CERS6: variants seen among roughly 807,000 people sequenced by gnomAD.
CERS6 encodes ceramide synthase 6.
Under a neutral mutation model 56.8 loss-of-function variants are expected in CERS6, and 26 were observed. The observed-to-expected ratio is 0.46, with a 90% confidence interval of 0.34 to 0.63. The LOEUF (loss-of-function observed/expected upper bound fraction) is 0.63, where lower values mean the gene tolerates loss of function less well. CERS6 is among the 30% of genes least tolerant of loss of function. CERS6 has a pLI of 0.01. For synonymous variants in CERS6, 164 were observed against 173.3 expected (o/e 0.95, Z 0.42); for missense variants, 415 against 467.5 (o/e 0.89, Z 1.04).
At chr2:168,682,938 T>G (rs926679834) in intron 4 of CERS6, among the ~76,000 whole-genome samples, 12 of 152,236 alleles carry the variant, frequency 7.9e-5, no homozygotes, top group Non-Finnish European at 1.6e-4. Context: ...CCTGTATTAT[T>G]GAACAATCCG....
intron 4 of CERS6, among the ~76,000 whole-genome samples, chr2:168,657,502 G>A (rs949004895): frequency 1.3e-5 from 2 of 152,252 alleles, no homozygotes; most frequent in East Asian, 1.9e-4. Flanking sequence ...GGAGCTCGTC[G>A]GGGAGGCTCG....
intron 6 of CERS6, among the ~76,000 whole-genome samples, chr2:168,696,602 G>A (rs141398113): frequency 6.6e-6 from 1 of 152,170 alleles, no homozygotes; most frequent in South Asian, 2.1e-4. Flanking sequence ...GTTCTAGAAG[G>A]TGAGGTGCCC....
chr2:168,464,114 ACTT>A (rs1171494715), intron 1 of CERS6, among the ~76,000 whole-genome samples: 2 of 147,890 alleles, frequency 1.4e-5, no homozygotes, highest in African/African-American at 5.0e-5. Context: ...GTTTTTTCTT[ACTT>A]CTTAATGTGG....
At chr2:168,631,480 T>G (rs1684716922) in intron 4 of CERS6, among the ~76,000 whole-genome samples, 1 of 123,832 alleles carries the variant, frequency 8.1e-6, no homozygotes, top group Non-Finnish European at 1.6e-5. Context: ...ATATAATATA[T>G]AATATATAAA....
chr2:168,670,120 T>A (rs961000237), intron 4 of CERS6, among the ~76,000 whole-genome samples: 3 of 152,352 alleles, frequency 2.0e-5, no homozygotes, highest in Non-Finnish European at 4.4e-5. Flanking sequence ...CTTTTAAAAT[T>A]CTTGCTCTTT....
chr2:168,553,386 G>A (rs1040178291), intron 2 of CERS6, among the ~76,000 whole-genome samples: 1 of 151,988 alleles, frequency 6.6e-6, no homozygotes, highest in Non-Finnish European at 1.5e-5. Flanking sequence ...AGTGAAAATG[G>A]GCCCAGAAAG....
At chr2:168,676,556 A>G (rs1399469723) in intron 4 of CERS6, among the ~76,000 whole-genome samples, 1 of 152,232 alleles carries the variant, frequency 6.6e-6, no homozygotes, top group African/African-American at 2.4e-5. Context: ...GAATTTTATC[A>G]TTGGCAGCAC....
At chr2:168,744,037 A>G (rs1186549730) in intron 8 of CERS6, among the ~76,000 whole-genome samples, 2 of 115,602 alleles carry the variant, frequency 1.7e-5, no homozygotes, top group South Asian at 2.7e-4. Context: ...TTGCTCTGTC[A>G]CCCAGGCTGG....
chr2:168,504,969 G>T (rs1023812801), intron 1 of CERS6, among the ~76,000 whole-genome samples: 21 of 152,116 alleles, frequency 1.4e-4, no homozygotes, highest in Non-Finnish European at 2.9e-4. Context: ...TTAAAGCCAG[G>T]TGCTGAGTGG....
chr2:168,729,803 G>A (rs1054856383), intron 8 of CERS6, among the ~76,000 whole-genome samples: 5 of 152,128 alleles, frequency 3.3e-5, no homozygotes, highest in African/African-American at 1.2e-4. Context: ...TTTGTGTCTT[G>A]TTTCCCAGGC....
chr2:168,638,752 T>C (rs1574119773), intron 4 of CERS6, among the ~76,000 whole-genome samples: 1 of 152,346 alleles, frequency 6.6e-6, no homozygotes, highest in Admixed American at 6.5e-5. Context: ...CTCATGTTGT[T>C]GCTGCATTGT....
intron 1 of CERS6, among the ~76,000 whole-genome samples, chr2:168,544,352 C>T (rs1695424268): frequency 6.6e-6 from 1 of 152,108 alleles, no homozygotes. Flanking sequence ...AAGTAGAGGC[C>T]ACTGACATCT....
intron 2 of CERS6, among the ~76,000 whole-genome samples, chr2:168,550,081 C>G (rs750344673): frequency 6.6e-6 from 1 of 152,080 alleles, no homozygotes; most frequent in African/African-American, 2.4e-5. Context: ...ACCCCTTGTT[C>G]AAAAAGCACA....
At chr2:168,734,960 G>A (rs1055009728) in intron 8 of CERS6, among the ~76,000 whole-genome samples, 1 of 152,164 alleles carries the variant, frequency 6.6e-6, no homozygotes, top group Non-Finnish European at 1.5e-5. Context: ...ACACTATAGA[G>A]TTTCAGCTCC....
At chr2:168,613,879 A>G (rs1392248327) in intron 3 of CERS6, among the ~76,000 whole-genome samples, 1 of 152,220 alleles carries the variant, frequency 6.6e-6, no homozygotes, top group Non-Finnish European at 1.5e-5. Context: ...TTAGAACATG[A>G]GGTGCTGCAG....
intron 3 of CERS6, among the ~76,000 whole-genome samples, chr2:168,627,092 C>T (rs1684607637): frequency 6.6e-6 from 1 of 152,120 alleles, no homozygotes; most frequent in South Asian, 2.1e-4. Flanking sequence ...AAGAAATAGT[C>T]TTAGTCTATT....
At chr2:168,648,225 T>C (rs1685252017) in intron 4 of CERS6, among the ~76,000 whole-genome samples, 1 of 152,066 alleles carries the variant, frequency 6.6e-6, no homozygotes, top group Non-Finnish European at 1.5e-5. Flanking sequence ...AGGAAATGAG[T>C]TTCTTTCTAG....
chr2:168,733,068 G>A (rs578208590), intron 8 of CERS6, among the ~76,000 whole-genome samples: 9 of 152,168 alleles, frequency 5.9e-5, no homozygotes, highest in Middle Eastern at 3.4e-3. Flanking sequence ...GCTTCTTTTC[G>A]TAATTAAATG....
At chr2:168,744,004 T>TTC (rs1474146819) in intron 8 of CERS6, among the ~76,000 whole-genome samples, 3 of 136,336 alleles carry the variant, frequency 2.2e-5, no homozygotes, top group African/African-American at 8.3e-5. Context: ...TCTTTTTTTT[T>TTC]TTTTTTTTTT....
Sources: gnomAD v4.1 joint callset for allele counts (sites outside exome capture counted in the v4.1 genomes callset) on GRCh38, gnomAD v4.1.1 for gene constraint, MANE v1.5 for transcripts, NCBI Gene and HGNC (gene_info 2026-07-23, HGNC 2026-07-21) for gene names.